Variants in MECOM observed in about 807,000 individuals in gnomAD.
The protein encoded by MECOM is histone-lysine N-methyltransferase MECOM.
In MECOM, 13 loss-of-function variants were observed where a neutral mutation model predicts 116.3. The ratio of observed to expected loss-of-function variants is 0.11; its 90% confidence interval spans 0.07 to 0.18. The LOEUF is 0.18. MECOM is among the 10% of genes least tolerant of loss of function. The probability of loss-of-function intolerance (pLI) is 1.00; values close to 1 mark genes in which losing one functional copy is unlikely to be tolerated. For missense variants in MECOM, 1,299 were observed against 1,509.0 expected (o/e 0.86, Z 2.31); for synonymous variants, 528 against 535.2 (o/e 0.99, Z 0.19).
At chr3:169,204,477 T>C (rs1175672100) in intron 2 of MECOM, among the ~76,000 whole-genome samples, 1 of 152,222 alleles carries the variant, frequency 6.6e-6, no homozygotes, top group Non-Finnish European at 1.5e-5. Flanking sequence ...CATTGTTTTG[T>C]ATAATTGGAA....
chr3:169,235,869 TA>T (rs796203861), intron 2 of MECOM, among the ~76,000 whole-genome samples: 2,812 of 138,276 alleles, frequency 0.02, 35 homozygotes, highest in Middle Eastern at 0.034. Context: ...CCATTTTGCT[TA>T]AAAAAAAAAA....
intron 3 of MECOM, among the ~76,000 whole-genome samples, chr3:169,138,913 C>T (rs552972904): frequency 6.6e-6 from 1 of 152,128 alleles, no homozygotes; most frequent in South Asian, 2.1e-4. Flanking sequence ...CAATAAAATG[C>T]TGTTCTAGTG....
At chr3:169,415,505 G>A (rs1738409130) in intron 1 of MECOM, among the ~76,000 whole-genome samples, 1 of 151,900 alleles carries the variant, frequency 6.6e-6, no homozygotes, top group Admixed American at 6.6e-5. Context: ...CTAGCATCAT[G>A]ATAGGATCAA....
In MECOM at chr3:169,650,827, G is replaced by C. The variant is rs76453126; in HGVS notation, c.37+12509C>G. 4.9e-3 allele frequency among the ~76,000 whole-genome samples: 748 copies of C among 152,014 alleles called. 2 individuals carry two copies. The highest frequency in any genetic ancestry group is 8.3e-3 in the Non-Finnish European group (564 of 67,966). ...TTTGGGGAACTTCTCTGTCTGTTTT[G>C]TTCTGAAAACTGGACACTACCCAAA... On this transcript the variant is annotated intron_variant, in intron 1 of 16. Transcript: ENST00000651503.
chr3:169,273,184 AC>A (rs1759160944), intron 2 of MECOM, among the ~76,000 whole-genome samples: 1 of 152,194 alleles, frequency 6.6e-6, no homozygotes, highest in African/African-American at 2.4e-5. Flanking sequence ...ATTTTCTATA[AC>A]ATCCCTTTGC....
At chr3:169,556,890 G>A (rs1170995772) in intron 1 of MECOM, among the ~76,000 whole-genome samples, 1 of 152,104 alleles carries the variant, frequency 6.6e-6, no homozygotes, top group African/African-American at 2.4e-5. Context: ...CCAGCTCCCA[G>A]ATTCCTGACC....
intron 1 of MECOM, among the ~76,000 whole-genome samples, chr3:169,518,042 A>G (rs996506832): frequency 1.3e-5 from 2 of 152,080 alleles, no homozygotes; most frequent in East Asian, 1.9e-4. Context: ...GGCTGATCAC[A>G]AGGTCAGGAG....
intron 1 of MECOM, among the ~76,000 whole-genome samples, chr3:169,632,182 T>C (rs951260987): frequency 1.8e-4 from 24 of 136,450 alleles, no homozygotes; most frequent in African/African-American, 6.2e-4. Context: ...AGAAGCATTC[T>C]GGAGAGAAAT....
chr3:169,301,231 C>T (rs891625563), intron 2 of MECOM, among the ~76,000 whole-genome samples: 1 of 152,180 alleles, frequency 6.6e-6, no homozygotes, highest in African/African-American at 2.4e-5. Context: ...TATGTCTAAC[C>T]TGAACAGACT....
intron 2 of MECOM, among the ~76,000 whole-genome samples, chr3:169,322,274 G>T (rs1252092473): frequency 6.6e-6 from 1 of 152,154 alleles, no homozygotes; most frequent in Non-Finnish European, 1.5e-5. Context: ...TTTGAGATGT[G>T]ATGGAACCTG....
At chr3:169,125,199 C>T (rs1439809898) in intron 5 of MECOM, among the ~76,000 whole-genome samples, 1 of 152,000 alleles carries the variant, frequency 6.6e-6, no homozygotes, top group Non-Finnish European at 1.5e-5. Context: ...AAGGCCCTAA[C>T]TTTATCTACG....
intron 2 of MECOM, among the ~76,000 whole-genome samples, chr3:169,366,287 C>T (rs377182956): frequency 2.7e-4 from 41 of 151,972 alleles, no homozygotes; most frequent in African/African-American, 9.6e-4. Flanking sequence ...ATCACGTGAG[C>T]AGAAATTTAT....
chr3:169,149,421 C>T, intron 2 of MECOM: 1 of 181,762 alleles, frequency 5.5e-6, no homozygotes, highest in Non-Finnish European at 1.2e-5. Flanking sequence ...CCTATATTGG[C>T]TTCGGGTGGG....
At chr3:169,109,400 T>G (rs1282850803) in intron 9 of MECOM, among the ~76,000 whole-genome samples, 2 of 149,828 alleles carry the variant, frequency 1.3e-5, no homozygotes, top group African/African-American at 4.9e-5. Flanking sequence ...TTAATTTTGA[T>G]GTATGCATTC....
At chr3:169,183,890 A>T (rs1746368988) in intron 2 of MECOM, among the ~76,000 whole-genome samples, 1 of 147,032 alleles carries the variant, frequency 6.8e-6, no homozygotes, top group African/African-American at 2.5e-5. Flanking sequence ...AGTGAGACGG[A>T]GTCTCCCTCT....
At chr3:169,441,335 C>T (rs1330506112) in intron 1 of MECOM, among the ~76,000 whole-genome samples, 1 of 152,166 alleles carries the variant, frequency 6.6e-6, no homozygotes, top group Non-Finnish European at 1.5e-5. Context: ...ATTTCTATCA[C>T]CAAACAATAC....
At chr3:169,300,072 A>G (rs537127350) in intron 2 of MECOM, among the ~76,000 whole-genome samples, 20 of 152,212 alleles carry the variant, frequency 1.3e-4, no homozygotes, top group African/African-American at 4.6e-4. Flanking sequence ...GGTGAGCCTA[A>G]CTGAGTGCAC....
chr3:169,186,240 G>C (rs1746689673), intron 2 of MECOM, among the ~76,000 whole-genome samples: 1 of 151,654 alleles, frequency 6.6e-6, no homozygotes, highest in Admixed American at 6.6e-5. Flanking sequence ...TCAGTATATG[G>C]GCTAAAACAT....
At chr3:169,464,498 C>G (rs575494546) in intron 1 of MECOM, among the ~76,000 whole-genome samples, 2 of 151,936 alleles carry the variant, frequency 1.3e-5, no homozygotes, top group Non-Finnish European at 2.9e-5. Flanking sequence ...ACCACGGACC[C>G]TCATTCATTG....
Sources: allele counts gnomAD v4.1 joint callset (sites outside exome capture counted in the v4.1 genomes callset), GRCh38; gene constraint gnomAD v4.1.1; transcripts MANE v1.5; gene names NCBI Gene and HGNC (gene_info 2026-07-23, HGNC 2026-07-21).